Variants in UCK2 observed in about 807,000 individuals in gnomAD.
UCK2 encodes the protein cytidine monophosphokinase 2.
Under a neutral mutation model 30.8 loss-of-function variants are expected in UCK2, and 6 were observed. The ratio of observed to expected loss-of-function variants is 0.19; its 90% CI spans 0.11 to 0.38. The LOEUF is 0.38. UCK2 is among the 10% of genes least tolerant of loss of function. UCK2 has a pLI of 1.00. For missense variants in UCK2, 210 were observed against 339.8 expected (o/e 0.62, Z 3.00); for synonymous variants, 125 against 133.6 (o/e 0.94, Z 0.45).
chr1:165,871,074 C>A (rs1033074661), intron 1 of UCK2, among the ~76,000 whole-genome samples: 8 of 152,176 alleles, frequency 5.3e-5, no homozygotes, highest in African/African-American at 1.9e-4. Context: ...GTTGCCCCTC[C>A]CAAAGTGCTG....
intron 5 of UCK2, 51 bp downstream of exon 5, chr1:165,903,330 A>G (rs537831547): frequency 5.7e-5 from 88 of 1,556,470 alleles, no homozygotes; most frequent in Non-Finnish European, 7.3e-5. Context: ...TTAAAATTTG[A>G]TGATATAAAC....
At chr1:165,883,857 C>T (rs891450606) in intron 1 of UCK2, among the ~76,000 whole-genome samples, 4 of 152,158 alleles carry the variant, frequency 2.6e-5, no homozygotes, top group African/African-American at 9.7e-5. Flanking sequence ...TTGAGTGACA[C>T]CTCTCTATTG....
chr1:165,885,114 T>C (rs553754648), intron 1 of UCK2: 14 of 351,332 alleles, frequency 4.0e-5, no homozygotes, highest in Non-Finnish European at 6.6e-5. Flanking sequence ...TCCCTCCCTG[T>C]CTCCCTTCCC....
Position 165,896,250 on chromosome 1 carries a change from C to T in UCK2, c.417C>T (p.Ala139=). The T allele has an allele frequency of 6.2e-7, 1 of 1,614,192 alleles. No individual in the cohort carries two copies. The highest frequency in any genetic ancestry group is 1.1e-5 in the South Asian group (1 of 91,088). Residue 139 remains alanine (A), a synonymous_variant, in exon 4 of 7, where the codon GCC becomes GCT. Coordinates refer to ENST00000367879, the MANE Select transcript of UCK2 (RefSeq NM_012474.5). ...TGGTGCTCTTTGAAGGGATCCTGGCCTTCTACTCCCAGGAGGTACGAGACC... is the reference window on the plus strand; with the variant it reads ...TGGTGCTCTTTGAAGGGATCCTGGCTTTCTACTCCCAGGAGGTACGAGACC... The part of the protein sequence containing the change: ...ADVVLFEGIL[A]FYSQEVRDLF...
At chr1:165,882,057 G>A (rs902467921) in intron 1 of UCK2, among the ~76,000 whole-genome samples, 6 of 152,176 alleles carry the variant, frequency 3.9e-5, no homozygotes, top group African/African-American at 9.7e-5. Context: ...AGCCTTGTGG[G>A]TTTCCCTCTC....
intron 1 of UCK2, among the ~76,000 whole-genome samples, chr1:165,865,803 G>C (rs868574939): frequency 6.6e-6 from 1 of 152,166 alleles, no homozygotes; most frequent in African/African-American, 2.4e-5. Flanking sequence ...AACCACAGTC[G>C]TAACGACCAA....
At chr1:165,835,314 T>A (rs866013980) in intron 1 of UCK2, among the ~76,000 whole-genome samples, 2 of 151,492 alleles carry the variant, frequency 1.3e-5, no homozygotes, top group African/African-American at 4.9e-5. Context: ...GCACATATAA[T>A]ATATATATTT....
At chr1:165,869,327 T>C (rs898295252) in intron 1 of UCK2, among the ~76,000 whole-genome samples, 1 of 152,030 alleles carries the variant, frequency 6.6e-6, no homozygotes, top group African/African-American at 2.4e-5. Context: ...CTTCACACAG[T>C]GTTGCCACAA....
At chr1:165,854,025 C>A (rs1654663832) in intron 1 of UCK2, among the ~76,000 whole-genome samples, 1 of 152,218 alleles carries the variant, frequency 6.6e-6, no homozygotes, top group African/African-American at 2.4e-5. Context: ...TCAACTAGAT[C>A]TGTGTAGTCA....
chr1:165,882,611 A>G (rs572666978), intron 1 of UCK2, among the ~76,000 whole-genome samples: 10 of 152,286 alleles, frequency 6.6e-5, no homozygotes, highest in East Asian at 3.9e-4. Context: ...TCTGCTTCCA[A>G]GGATGCAACT....
chr1:165,849,718 GTGAT>G (rs1654542406), intron 1 of UCK2, among the ~76,000 whole-genome samples: 2 of 152,212 alleles, frequency 1.3e-5, no homozygotes, highest in African/African-American at 4.8e-5. Flanking sequence ...ATTTTGGAGA[GTGAT>G]TGTAGTGAGG....
At chr1:165,877,670 C>T (rs1428228351) in intron 1 of UCK2, among the ~76,000 whole-genome samples, 1 of 152,114 alleles carries the variant, frequency 6.6e-6, no homozygotes, top group Non-Finnish European at 1.5e-5. Flanking sequence ...TAATGAAGGC[C>T]ATCTGGGTGG....
chr1:165,909,270 G>C lies in UCK2; in HGVS notation c.*1447G>C, dbSNP rs1647774219. The C allele has an allele frequency of 6.6e-6, 1 of 152,198 alleles. No homozygotes were observed. Among genetic ancestry groups the C allele is most frequent in the Non-Finnish European group, 1.5e-5 (1 of 68,050 alleles). 9.4% of individuals were successfully genotyped at this position (152,198 alleles called of 1,614,324 possible). A position where few individuals can be genotyped will look rare whatever the true frequency, so the allele number is the denominator to read the frequency against. ...TCTGATTATAGAGTCCCGAGCCTCA[G>C]TTTCTGACTGCAGAAGAGCCAGAGA... On this transcript the variant is annotated 3_prime_UTR_variant, in exon 7 of 7. Coordinates refer to ENST00000367879, the MANE Select transcript of UCK2 (RefSeq NM_012474.5).
chr1:165,895,560 AC>A (rs1655876744), intron 3 of UCK2: 14 of 985,344 alleles, frequency 1.4e-5, no homozygotes, highest in Non-Finnish European at 7.2e-6. Flanking sequence ...CTCAGGATTG[AC>A]CTGTGGCCAC....
chr1:165,891,078 G>C (rs1203553525), intron 2 of UCK2, 148 bp from the exon 3 acceptor site: 2 of 657,832 alleles, frequency 3.0e-6, no homozygotes, highest in East Asian at 2.8e-5. Context: ...ATTCTGCTTT[G>C]GGTAAAAATC....
At chr1:165,839,003 G>A (rs192360668) in intron 1 of UCK2, among the ~76,000 whole-genome samples, 6 of 152,120 alleles carry the variant, frequency 3.9e-5, no homozygotes, top group African/African-American at 7.2e-5. Flanking sequence ...AGCCGAGATC[G>A]TGCCACTGCA....
intron 1 of UCK2, among the ~76,000 whole-genome samples, chr1:165,861,627 C>CAAAAAAA (rs1223282712): frequency 2.5e-4 from 4 of 15,908 alleles, no homozygotes; most frequent in African/African-American, 9.4e-4. Context: ...GACTCCGTCT[C>CAAAAAAA]AAAAAAAAAA....
intron 1 of UCK2, among the ~76,000 whole-genome samples, chr1:165,884,088 ATACT>A (rs1557844876): frequency 6.9e-6 from 1 of 145,824 alleles, no homozygotes; most frequent in Non-Finnish European, 1.5e-5. Context: ...GCTAGTGGTG[ATACT>A]TACTTTATGA....
At chr1:165,898,005 G>T (rs1453720606) in intron 4 of UCK2, 2 of 152,212 alleles carry the variant, frequency 1.3e-5, no homozygotes, top group African/African-American at 2.4e-5. Context: ...CTCTGGCTGG[G>T]TAAGAGTTGC....
Sources: gnomAD v4.1 joint callset for allele counts (sites outside exome capture counted in the v4.1 genomes callset) on GRCh38, gnomAD v4.1.1 for gene constraint, MANE v1.5 for transcripts, NCBI Gene and HGNC (gene_info 2026-07-23, HGNC 2026-07-21) for gene names.